The following MTURN variants were observed in gnomAD, a reference collection of about 807,000 sequenced individuals.
The protein encoded by MTURN is maturin.
Under a neutral mutation model 14.9 loss-of-function variants are expected in MTURN, and 7 were observed. The observed-to-expected ratio is 0.47, with a 90% confidence interval of 0.27 to 0.88. The LOEUF (loss-of-function observed/expected upper bound fraction) is 0.88, where lower values mean the gene tolerates loss of function less well. MTURN is among the 40% of genes least tolerant of loss of function. The pLI is 0.14. For missense variants in MTURN, 151 were observed against 174.1 expected (o/e 0.87, Z 0.75); for synonymous variants, 69 against 72.5 (o/e 0.95, Z 0.25).
At position 30,146,315 on chromosome 7, in the gene MTURN, G is replaced by C; in HGVS notation, c.285+16G>C. 6.2e-7 allele frequency: 1 copy of C among 1,613,450 alleles called. No homozygotes were observed. The highest frequency in any genetic ancestry group is 8.5e-7 in the Non-Finnish European group (1 of 1,179,734). ...TTTCAGACCTGTAGGTGCCTGCTTG[G>C]CTTCTCACCACAGCTTGTTTTCTAT... On this transcript the variant is annotated intron_variant, in intron 2 of 2. Coordinates refer to ENST00000324453, the MANE Select transcript of MTURN (RefSeq NM_152793.3).
intron 1 of MTURN, chr7:30,137,323 C>T (rs938466280): frequency 2.1e-5 from 5 of 238,666 alleles, no homozygotes; most frequent in Admixed American, 9.2e-5. Flanking sequence ...CTGCTGGGAC[C>T]GCCCAGGCCA....
At chr7:30,139,315 TC>T (rs1797013145) in intron 1 of MTURN, among the ~76,000 whole-genome samples, 1 of 152,232 alleles carries the variant, frequency 6.6e-6, no homozygotes, top group African/African-American at 2.4e-5. Context: ...TTTAGTACTC[TC>T]ACATAATTAT....
intron 2 of MTURN, among the ~76,000 whole-genome samples, chr7:30,155,079 T>C (rs1318795653): frequency 1.3e-5 from 2 of 152,308 alleles, no homozygotes; most frequent in Admixed American, 6.5e-5. Context: ...TGGATAAAGA[T>C]GGCAAATATG....
rs544780714 is a variant in MTURN, at chr7:30,159,146, G to T, written c.*1598G>T. On this transcript the variant is annotated 3_prime_UTR_variant, in exon 3 of 3. Coordinates refer to ENST00000324453, the MANE Select transcript of MTURN (RefSeq NM_152793.3). ...ATCTGTGCTTCAGTACCCACTTTGT[G>T]TTCTTTTCTTGAAAAGTCATACTAA... The T allele has an allele frequency of 1.3e-5, 2 of 152,296 alleles. No homozygotes were observed. The highest frequency in any genetic ancestry group is 4.1e-4 in the South Asian group (2 of 4,826). The allele number at this position is 152,296 out of a possible 1,614,324, so 9.4% of individuals were successfully genotyped here. A position where few individuals can be genotyped will look rare whatever the true frequency, so the allele number is the denominator to read the frequency against.
rs927941023 is a variant in MTURN at position 30,158,402 on chromosome 7, C to T, written c.*854C>T. The T allele has an allele frequency of 7.9e-5, 12 of 152,330 alleles. No individual in the cohort carries two copies. Among genetic ancestry groups the T allele is most frequent in the South Asian group, 2.1e-4 (1 of 4,804 alleles). The allele number at this position is 152,330 out of a possible 1,614,324, so 9.4% of individuals were successfully genotyped here. On this transcript the variant is annotated 3_prime_UTR_variant, in exon 3 of 3. Coordinates refer to ENST00000324453, the MANE Select transcript of MTURN (RefSeq NM_152793.3). ...ATGAAAACATCCAGAATTCAAGTGC[C>T]GCTTAAACTTTGAAGCCATAGATAA...
chr7:30,142,662 A>G (rs10488087), intron 1 of MTURN, among the ~76,000 whole-genome samples: 7,171 of 152,302 alleles, frequency 0.047, 252 homozygotes, highest in Non-Finnish European at 0.069. Flanking sequence ...TTTCTCAGTT[A>G]ACTTTGCAAT....
intron 2 of MTURN, among the ~76,000 whole-genome samples, chr7:30,152,184 A>T (rs1026788765): frequency 5.4e-5 from 8 of 148,696 alleles, no homozygotes; most frequent in African/African-American, 1.7e-4. Flanking sequence ...TGTTATGAAC[A>T]TTCAAACCAT....
intron 2 of MTURN, among the ~76,000 whole-genome samples, chr7:30,150,741 A>G (rs1377823137): frequency 6.6e-6 from 1 of 152,200 alleles, no homozygotes; most frequent in Non-Finnish European, 1.5e-5. Flanking sequence ...GAGCAGGGGC[A>G]GGGCTGGCCC....
chr7:30,135,524 C>T (rs1480048981), intron 1 of MTURN, among the ~76,000 whole-genome samples: 1 of 151,686 alleles, frequency 6.6e-6, no homozygotes, highest in Non-Finnish European at 1.5e-5. Context: ...CCCGGAGGAT[C>T]CGGGGAGCCG....
Position 30,145,907 on chromosome 7 carries a change from A to T in MTURN, c.163-270A>T. 2.6e-6 allele frequency: 4 copies of T among 1,549,174 alleles called. 1 individual carries two copies. Among genetic ancestry groups the T allele is most frequent in the Non-Finnish European group, 1.7e-6 (2 of 1,144,786 alleles). On this transcript the variant is annotated intron_variant, in intron 1 of 2. Transcript: ENST00000324453. ...AATCATTGGTGAGGAATGGCCACCC[A>T]CTGCCCTCTTTACTGTGTAGGAGCA...
chr7:30,135,293 A>T lies in MTURN; in HGVS notation c.157A>T (p.Asn53Tyr). ...GTGTCCGGACAACGGCTGCGGCGAC[A>T]ATTTTGTGAGTGCCTGGAGGAGGGA... ...VLCPDNGCGD[N>Y]FHVWSESEDC... is the part of the protein sequence containing the mutation. Residue 53 changes from asparagine (N) to tyrosine (Y), a missense_variant, in exon 1 of 3, where the codon AAT (asparagine) becomes TAT (tyrosine). By Grantham distance (143) the Asn-to-Tyr change is moderately radical (BLOSUM62 -2). Transcript: ENST00000324453. The T allele has an allele frequency of 6.6e-7, 1 of 1,522,116 alleles. No homozygotes were observed. The highest frequency in any genetic ancestry group is 8.8e-7 in the Non-Finnish European group (1 of 1,134,250). The allele number at this position is 1,522,116 out of a possible 1,614,324, so 94.3% of individuals were successfully genotyped here. A position where few individuals can be genotyped will look rare whatever the true frequency, so the allele number is the denominator to read the frequency against.
At chr7:30,152,662 A>G (rs1797229985) in intron 2 of MTURN, among the ~76,000 whole-genome samples, 1 of 152,210 alleles carries the variant, frequency 6.6e-6, no homozygotes, top group African/African-American at 2.4e-5. Context: ...CGTGCTCTCC[A>G]GGGTACAGAC....
Position 30,158,944 on chromosome 7 carries a change from G to A in MTURN, c.*1396G>A, listed in dbSNP as rs1199109505. ...TTTGAATTAAAAACAAGCAGTAGCA[G>A]CAGAGGCCACAGAACTTATGGGAGT... On this transcript the variant is annotated 3_prime_UTR_variant, in exon 3 of 3. Coordinates refer to ENST00000324453, the MANE Select transcript of MTURN (RefSeq NM_152793.3). The A allele has an allele frequency of 2.0e-5, 3 of 152,136 alleles. No individual in the cohort carries two copies. The highest frequency in any genetic ancestry group is 2.0e-4 in the Admixed American group (3 of 15,280). 9.4% of individuals were successfully genotyped at this position (152,136 alleles called of 1,614,324 possible).
intron 2 of MTURN, among the ~76,000 whole-genome samples, chr7:30,151,195 C>T (rs192492461): frequency 6.6e-4 from 100 of 152,310 alleles, no homozygotes; most frequent in Middle Eastern, 3.4e-3. Flanking sequence ...TTGCTACTGG[C>T]ATGTCGTATC....
intron 2 of MTURN, among the ~76,000 whole-genome samples, chr7:30,154,772 T>C (rs373260503): frequency 2.0e-5 from 3 of 152,138 alleles, no homozygotes; most frequent in African/African-American, 7.2e-5. Flanking sequence ...GAACTGCCTC[T>C]CCTCTCCCCT....
At chr7:30,145,342 GA>G (rs1337012454) in intron 1 of MTURN, among the ~76,000 whole-genome samples, 2 of 151,892 alleles carry the variant, frequency 1.3e-5, no homozygotes, top group African/African-American at 2.4e-5. Context: ...AAAATACAAA[GA>G]ATTAGTCAGG....
At chr7:30,155,639 G>A (rs372446354) in intron 2 of MTURN, among the ~76,000 whole-genome samples, 6 of 152,324 alleles carry the variant, frequency 3.9e-5, no homozygotes, top group African/African-American at 1.4e-4. Flanking sequence ...AGGCAGCTGT[G>A]GCATGCTCAG....
chr7:30,144,651 A>G (rs1328885359), intron 1 of MTURN, among the ~76,000 whole-genome samples: 1 of 152,242 alleles, frequency 6.6e-6, no homozygotes, highest in Non-Finnish European at 1.5e-5. Context: ...GGACCTTTGC[A>G]ACTATGAAAC....
At chr7:30,135,403 G>C (rs1242646191) in intron 1 of MTURN, 105 bp downstream of exon 1, 4 of 1,071,610 alleles carry the variant, frequency 3.7e-6, no homozygotes, top group Non-Finnish European at 4.8e-6. Context: ...GGCGCAGAGT[G>C]GGGGGCCGTA....
Sources: allele counts gnomAD v4.1 joint callset (sites outside exome capture counted in the v4.1 genomes callset), GRCh38; gene constraint gnomAD v4.1.1; transcripts MANE v1.5; gene names NCBI Gene and HGNC (gene_info 2026-07-23, HGNC 2026-07-21).